The following RAPGEF4 variants were observed in gnomAD, a reference collection of about 807,000 sequenced individuals.
The protein encoded by RAPGEF4 is Rap guanine nucleotide exchange factor 4, also known as RAP guanine-nucleotide-exchange factor (GEF) 4.
A neutral mutation model predicts 147.9 loss-of-function variants in RAPGEF4; 66 were observed. The ratio of observed to expected loss-of-function variants is 0.45; its 90% CI spans 0.37 to 0.55. RAPGEF4 has a LOEUF of 0.55. Ranked by LOEUF, RAPGEF4 falls within the 20% of genes least tolerant of loss-of-function variation. The pLI is 0.00. For missense variants in RAPGEF4, 1,071 were observed against 1,257.3 expected (o/e 0.85, Z 2.24); for synonymous variants, 419 against 442.7 (o/e 0.95, Z 0.67).
At chr2:172,784,933 C>T (rs1308275174) in intron 1 of RAPGEF4, among the ~76,000 whole-genome samples, 1 of 151,988 alleles carries the variant, frequency 6.6e-6, no homozygotes, top group Non-Finnish European at 1.5e-5. Context: ...TCAAGTGTTT[C>T]TCCTGCCTCA....
intron 1 of RAPGEF4, among the ~76,000 whole-genome samples, chr2:172,747,285 T>C (rs905428939): frequency 6.6e-6 from 1 of 152,196 alleles, no homozygotes; most frequent in Non-Finnish European, 1.5e-5. Context: ...CATTGTGAAA[T>C]AATTGCCACA....
intron 29 of RAPGEF4, among the ~76,000 whole-genome samples, chr2:173,040,377 T>C (rs1414828219): frequency 6.6e-6 from 1 of 152,212 alleles, no homozygotes; most frequent in Non-Finnish European, 1.5e-5. Flanking sequence ...CTGCTGTTGT[T>C]ACTGTGGGTC....
At chr2:172,826,489 T>A (rs1689682670) in intron 4 of RAPGEF4, among the ~76,000 whole-genome samples, 1 of 152,218 alleles carries the variant, frequency 6.6e-6, no homozygotes, top group South Asian at 2.1e-4. Flanking sequence ...AATGCAAATA[T>A]TCTAAAAAAG....
chr2:172,976,509 A>G (rs570144593), intron 10 of RAPGEF4, among the ~76,000 whole-genome samples: 5 of 152,328 alleles, frequency 3.3e-5, no homozygotes, highest in African/African-American at 1.2e-4. Flanking sequence ...GAAGCGTTGC[A>G]TCAAAAATAA....
At chr2:172,822,920 T>C (rs995155894) in intron 4 of RAPGEF4, among the ~76,000 whole-genome samples, 3 of 152,200 alleles carry the variant, frequency 2.0e-5, no homozygotes, top group African/African-American at 7.2e-5. Flanking sequence ...CTAAGAAGCT[T>C]CTGTCACATT....
chr2:172,869,836 A>G (rs1012109657), intron 4 of RAPGEF4, among the ~76,000 whole-genome samples: 2 of 152,194 alleles, frequency 1.3e-5, no homozygotes, highest in African/African-American at 2.4e-5. Context: ...CTGAGCTCAG[A>G]CAATGTAAAA....
At chr2:172,879,571 C>T (rs749959324) in intron 4 of RAPGEF4, among the ~76,000 whole-genome samples, 26 of 152,084 alleles carry the variant, frequency 1.7e-4, no homozygotes, top group African/African-American at 5.6e-4. Flanking sequence ...GAGGCCGAGA[C>T]GAGCAGATCA....
intron 1 of RAPGEF4, among the ~76,000 whole-genome samples, chr2:172,749,425 T>A (rs566081830): frequency 6.6e-6 from 1 of 152,356 alleles, no homozygotes; most frequent in African/African-American, 2.4e-5. Flanking sequence ...GCTGGAGGCT[T>A]GCACCCTCTG....
chr2:172,959,249 G>A (rs1320061726), intron 6 of RAPGEF4, among the ~76,000 whole-genome samples: 4 of 152,196 alleles, frequency 2.6e-5, no homozygotes, highest in Admixed American at 1.3e-4. Flanking sequence ...AAGTTCTAGG[G>A]GAAATCTCTT....
intron 17 of RAPGEF4, among the ~76,000 whole-genome samples, chr2:173,008,422 T>A (rs994315257): frequency 6.6e-6 from 1 of 152,208 alleles, no homozygotes; most frequent in African/African-American, 2.4e-5. Flanking sequence ...GCTGTTATTA[T>A]TATACCATCA....
intron 1 of RAPGEF4, among the ~76,000 whole-genome samples, chr2:172,758,562 C>G (rs947787900): frequency 6.6e-6 from 1 of 152,086 alleles, no homozygotes; most frequent in Non-Finnish European, 1.5e-5. Context: ...ATCAGGGGAA[C>G]AGCAGTGAAG....
At chr2:172,875,898 G>A (rs1002009555) in intron 4 of RAPGEF4, among the ~76,000 whole-genome samples, 1 of 152,114 alleles carries the variant, frequency 6.6e-6, no homozygotes, top group African/African-American at 2.4e-5. Context: ...TCTTCCATTT[G>A]TTTGTATCCT....
At chr2:173,001,537 C>A (rs535726396) in intron 17 of RAPGEF4, among the ~76,000 whole-genome samples, 193 bp downstream of exon 17, 16 of 152,178 alleles carry the variant, frequency 1.1e-4, no homozygotes, top group Admixed American at 2.6e-4. Context: ...CTCTGCCTGG[C>A]AGAGGTCTGC....
intron 11 of RAPGEF4, among the ~76,000 whole-genome samples, chr2:172,985,227 T>C (rs146634005): frequency 8.4e-4 from 128 of 152,314 alleles, no homozygotes; most frequent in African/African-American, 2.9e-3. Context: ...CTATAAGCTA[T>C]TCTATAAAAA....
At chr2:172,785,679 T>C (rs1685127750) in intron 1 of RAPGEF4, among the ~76,000 whole-genome samples, 1 of 152,230 alleles carries the variant, frequency 6.6e-6, no homozygotes, top group Admixed American at 6.5e-5. Flanking sequence ...TAGTTGAGCA[T>C]TATATACATT....
chr2:172,811,200 G>T (rs937866495), intron 3 of RAPGEF4, among the ~76,000 whole-genome samples: 1 of 152,222 alleles, frequency 6.6e-6, no homozygotes, highest in African/African-American at 2.4e-5. Flanking sequence ...CAGAGCAAGG[G>T]TGCAGATGCT....
In RAPGEF4 at chr2:173,017,499, A is replaced by T. The variant is rs1360598874; in HGVS notation, c.2003A>T (p.Asp668Val). ...AQKRQPIRGS[D>V]EVLFKVYCMD... ...AAGCGCCAGCCTATCCGCGGCTCTG[A>T]TGAAGGTGAGAACCCTCTTCCAACT... Residue 668 changes from aspartate (D) to valine (V), a missense_variant, in exon 21 of 31, where the codon GAT becomes GTT. By Grantham distance (152) the Asp-to-Val change is radical (BLOSUM62 -3). Coordinates refer to ENST00000397081, the MANE Select transcript of RAPGEF4 (RefSeq NM_007023.4). The T allele has an allele frequency of 1.9e-6, 3 of 1,613,250 alleles. No individual in the cohort carries two copies. Among genetic ancestry groups the T allele is most frequent in the Non-Finnish European group, 2.5e-6 (3 of 1,179,204 alleles).
intron 29 of RAPGEF4, among the ~76,000 whole-genome samples, chr2:173,044,649 C>T (rs1047353976): frequency 9.9e-5 from 15 of 152,134 alleles, no homozygotes; most frequent in Admixed American, 3.9e-4. Context: ...TGCACATAAG[C>T]TCCGAAGACC....
intron 29 of RAPGEF4, among the ~76,000 whole-genome samples, chr2:173,043,430 G>C (rs979656114): frequency 5.3e-5 from 8 of 152,214 alleles, no homozygotes; most frequent in African/African-American, 2.4e-5. Flanking sequence ...AATAGGCTAA[G>C]AGGAAGGCTA....
Sources: gnomAD v4.1 joint callset for allele counts (sites outside exome capture counted in the v4.1 genomes callset) on GRCh38, gnomAD v4.1.1 for gene constraint, MANE v1.5 for transcripts, NCBI Gene and HGNC (gene_info 2026-07-23, HGNC 2026-07-21) for gene names.